Variants in VEGFC observed in about 807,000 individuals in gnomAD.
VEGFC encodes vascular endothelial growth factor C.
A neutral mutation model predicts 46.1 loss-of-function variants in VEGFC; 12 were observed. The observed-to-expected ratio is 0.26, with a 90% CI of 0.17 to 0.42. The LOEUF (loss-of-function observed/expected upper bound fraction) is 0.42, where lower values mean the gene tolerates loss of function less well. VEGFC is among the 10% of genes least tolerant of loss of function. VEGFC has a pLI of 1.00. For synonymous variants in VEGFC, 232 were observed against 195.5 expected (o/e 1.19, Z -1.56); for missense variants, 488 against 529.4 (o/e 0.92, Z 0.77).
intron 1 of VEGFC, among the ~76,000 whole-genome samples, chr4:176,749,311 C>G (rs1579121353): frequency 6.6e-6 from 1 of 151,814 alleles, no homozygotes; most frequent in Non-Finnish European, 1.5e-5. Flanking sequence ...TATTAAACTT[C>G]TTTTAAACAG....
chr4:176,741,401 C>G (rs535122810), intron 1 of VEGFC, among the ~76,000 whole-genome samples: 5 of 151,844 alleles, frequency 3.3e-5, no homozygotes, highest in African/African-American at 1.2e-4. Context: ...CATTAAAACC[C>G]GAACATTTCA....
intron 1 of VEGFC, among the ~76,000 whole-genome samples, chr4:176,778,916 T>C (rs1250748256): frequency 1.3e-5 from 2 of 152,154 alleles, no homozygotes; most frequent in Non-Finnish European, 2.9e-5. Context: ...TTGACAAAAT[T>C]TTAACAAAAT....
chr4:176,758,209 G>A (rs1735467174), intron 1 of VEGFC, among the ~76,000 whole-genome samples: 1 of 152,008 alleles, frequency 6.6e-6, no homozygotes, highest in Admixed American at 6.6e-5. Flanking sequence ...AGCAAAGATT[G>A]GTTACCAGCA....
intron 1 of VEGFC, among the ~76,000 whole-genome samples, chr4:176,740,030 CGAATATATATAACTATTCGATATATA>C (rs1735132381): frequency 0.014 from 221 of 15,892 alleles, no homozygotes; most frequent in Admixed American, 0.033. Context: ...TTCGATATAT[CGAATATATATAACTATTCGATATATA>C]GAATATATAT....
At chr4:176,741,729 C>A (rs978482838) in intron 1 of VEGFC, among the ~76,000 whole-genome samples, 3 of 151,852 alleles carry the variant, frequency 2.0e-5, no homozygotes, top group African/African-American at 7.3e-5. Flanking sequence ...GAATTGCAAC[C>A]AAGATCTACA....
intron 3 of VEGFC, among the ~76,000 whole-genome samples, chr4:176,713,199 A>G (rs1227675066): frequency 3.3e-5 from 5 of 152,204 alleles, no homozygotes; most frequent in Non-Finnish European, 7.4e-5. Flanking sequence ...TAACTTCACT[A>G]TGTGACCTCA....
chr4:176,696,255 C>G (rs1469943284), intron 4 of VEGFC, among the ~76,000 whole-genome samples: 1 of 151,724 alleles, frequency 6.6e-6, no homozygotes, highest in African/African-American at 2.4e-5. Context: ...AGCCAAAAAT[C>G]TCCTTAAGCT....
chr4:176,792,575 G>A lies in VEGFC; in HGVS notation c.-264C>T. 1 of 346,004 alleles carries A rather than the reference G, an allele frequency of 2.9e-6. No individual in the cohort carries two copies. Among genetic ancestry groups the A allele is most frequent in the Non-Finnish European group, 5.2e-6 (1 of 193,576 alleles). 21.4% of individuals were successfully genotyped at this position (346,004 alleles called of 1,614,324 possible). ...AGGAAACCGGACATCCGAGCTCCCC[G>A]CATTCGGAGCCCGCGAGGTGAAGCG... On this transcript the variant is annotated 5_prime_UTR_variant, in exon 1 of 7. Transcript: ENST00000618562. This position sits in a 1 kb window ranked among gnomAD's most constrained non-coding sequence, Gnocchi z 6.3.
intron 1 of VEGFC, among the ~76,000 whole-genome samples, chr4:176,747,618 C>T (rs999288010): frequency 2.0e-5 from 3 of 151,938 alleles, no homozygotes; most frequent in Non-Finnish European, 4.4e-5. Flanking sequence ...ACAGCGAGAC[C>T]CCCATCTCTA....
chr4:176,745,235 C>A (rs1248498162), intron 1 of VEGFC, among the ~76,000 whole-genome samples: 3 of 152,080 alleles, frequency 2.0e-5, no homozygotes, highest in Admixed American at 2.0e-4. Context: ...CTGGTGCTAC[C>A]ATCACTATAT....
chr4:176,687,771 T>C, intron 5 of VEGFC, 50 bp downstream of exon 5: 1 of 1,323,292 alleles, frequency 7.6e-7, no homozygotes, highest in Non-Finnish European at 1.1e-6. Context: ...AGTATGTTAA[T>C]CACAATATAG....
Position 176,792,281 on chromosome 4 carries a change from A to C in VEGFC, c.31T>G (p.Cys11Gly). The C allele has an allele frequency of 6.5e-7, 1 of 1,539,656 alleles. No homozygotes were observed. The highest frequency in any genetic ancestry group is 8.7e-7 in the Non-Finnish European group (1 of 1,145,438). The stretch of plus-strand genomic sequence containing the variant: ...AGCAGCGCAGCGGCGAGCAGAGAAC[A>C]CGCCACAGAGAAGAAGCCCAGCAAG... MHLLGFFSVA[C>G]SLLAAALLPG... Residue 11 changes from cysteine (C) to glycine (G), a missense_variant, in exon 1 of 7, where the codon TGT (cysteine) becomes GGT (glycine). Transcript: ENST00000618562. This position sits in a 1 kb window ranked among gnomAD's most constrained non-coding sequence, Gnocchi z 6.3.
chr4:176,699,687 T>C (rs568743251), intron 4 of VEGFC, among the ~76,000 whole-genome samples: 41 of 152,362 alleles, frequency 2.7e-4, no homozygotes, highest in African/African-American at 9.4e-4. Flanking sequence ...ACACAGAGAC[T>C]GATTTGCTTA....
intron 3 of VEGFC, among the ~76,000 whole-genome samples, chr4:176,720,254 G>T (rs555264912): frequency 7.2e-5 from 11 of 152,088 alleles, no homozygotes; most frequent in African/African-American, 2.7e-4. Context: ...AGCACACCAG[G>T]CTTCAAATGA....
rs556351701 is a variant in VEGFC at position 176,723,685 on chromosome 4, G to C, written c.552+4093C>G. 6.8e-4 allele frequency among the ~76,000 whole-genome samples: 100 copies of C among 147,016 alleles called. 1 individual carries two copies. Among genetic ancestry groups the C allele is most frequent in the Non-Finnish European group, 8.9e-5 (6 of 67,462 alleles). The stretch of plus-strand genomic sequence containing the variant: ...TTTTAGGTTTCGCGGTGCATATGCA[G>C]ATTTGCGACACAGGTAAACTTTTAT... On this transcript the variant is annotated intron_variant, in intron 3 of 6. Coordinates refer to ENST00000618562, the MANE Select transcript of VEGFC (RefSeq NM_005429.5).
chr4:176,786,664 A>G (rs560678267), intron 1 of VEGFC, among the ~76,000 whole-genome samples: 1 of 152,160 alleles, frequency 6.6e-6, no homozygotes, highest in South Asian at 2.1e-4. Flanking sequence ...AGACAAGATC[A>G]CTCACTCTAC....
intron 3 of VEGFC, among the ~76,000 whole-genome samples, chr4:176,726,871 CA>C (rs1349312840): frequency 6.6e-6 from 1 of 152,070 alleles, no homozygotes; most frequent in Non-Finnish European, 1.5e-5. Flanking sequence ...TTTCATTCTC[CA>C]GGTCAAAGAA....
At chr4:176,775,583 C>T (rs928376912) in intron 1 of VEGFC, among the ~76,000 whole-genome samples, 1 of 152,050 alleles carries the variant, frequency 6.6e-6, no homozygotes, top group Admixed American at 6.5e-5. Context: ...AGCTTATAGG[C>T]CATGTATTGT....
chr4:176,770,881 G>C (rs565130705), intron 1 of VEGFC, among the ~76,000 whole-genome samples: 16 of 151,530 alleles, frequency 1.1e-4, no homozygotes, highest in South Asian at 2.1e-4. Flanking sequence ...ATTCTGACTT[G>C]ACCTTTGAGA....
Sources: allele counts gnomAD v4.1 joint callset (sites outside exome capture counted in the v4.1 genomes callset), GRCh38; gene constraint gnomAD v4.1.1; non-coding constraint Gnocchi (gnomAD v3.1); transcripts MANE v1.5; gene names NCBI Gene and HGNC (gene_info 2026-07-23, HGNC 2026-07-21).